ANO3: variants seen among roughly 807,000 people sequenced by gnomAD.
ANO3 encodes anoctamin 3.
A neutral mutation model predicts 144.8 loss-of-function variants in ANO3; 99 were observed. That is an observed-to-expected ratio of 0.68 (90% CI 0.58 to 0.81). ANO3 has a LOEUF of 0.81. ANO3 is among the 30% of genes least tolerant of loss of function. The pLI, the probability that ANO3 is intolerant of heterozygous loss-of-function variation, is 0.00. For synonymous variants in ANO3, 414 were observed against 392.6 expected (o/e 1.05, Z -0.64); for missense variants, 905 against 1,202.2 (o/e 0.75, Z 3.66).
At chr11:26,206,272 G>T (rs1161378562) in intron 1 of ANO3, among the ~76,000 whole-genome samples, 1 of 152,082 alleles carries the variant, frequency 6.6e-6, no homozygotes, top group African/African-American at 2.4e-5. Context: ...CTCCAAACAT[G>T]AGTTAATCCA....
At chr11:26,384,865 C>G (rs867827013) in intron 1 of ANO3, among the ~76,000 whole-genome samples, 1 of 152,214 alleles carries the variant, frequency 6.6e-6, no homozygotes, top group Non-Finnish European at 1.5e-5. Context: ...GTGAACGTCT[C>G]TCTTTGATTT....
Position 26,660,371 on chromosome 11 carries a change from A to C in ANO3, c.2873A>C (p.Tyr958Ser). Residue 958 changes from tyrosine to serine, a missense_variant, in exon 27 of 27, where the codon TAT becomes TCT. Coordinates refer to ENST00000256737, the MANE Select transcript of ANO3 (RefSeq NM_031418.4). ...AAGTACTTAGTTCAAGAAATGATGT[A>C]TGAGGCTGAACTGGAACATTTGCAA... is the stretch of plus-strand genomic sequence containing the variant. ...REKYLVQEMM[Y>S]EAELEHLQQQ... 6.2e-7 allele frequency: 1 copy of C among 1,613,424 alleles called. No homozygotes were observed. The highest frequency in any genetic ancestry group is 8.5e-7 in the Non-Finnish European group (1 of 1,179,618).
intron 14 of ANO3, among the ~76,000 whole-genome samples, chr11:26,567,845 T>G (rs1055240689): frequency 6.6e-6 from 1 of 151,992 alleles, no homozygotes; most frequent in Non-Finnish European, 1.5e-5. Flanking sequence ...TAGAGCTGTA[T>G]GCAACGACAT....
At chr11:26,564,722 CACACACACACAT>C (rs1850464754) in intron 14 of ANO3, among the ~76,000 whole-genome samples, 5 of 66,998 alleles carry the variant, frequency 7.5e-5, no homozygotes, top group African/African-American at 1.1e-4. Flanking sequence ...CACACACACA[CACACACACACAT>C]ATATATATAT....
intron 4 of ANO3, among the ~76,000 whole-genome samples, chr11:26,495,383 A>G (rs1403546831): frequency 6.6e-6 from 1 of 151,470 alleles, no homozygotes; most frequent in East Asian, 1.9e-4. Flanking sequence ...TGCTGGTATT[A>G]CAGGCATGAG....
intron 1 of ANO3, among the ~76,000 whole-genome samples, chr11:26,269,402 C>A (rs915109550): frequency 6.6e-6 from 1 of 152,200 alleles, no homozygotes; most frequent in Non-Finnish European, 1.5e-5. Context: ...GCTTCTCCCC[C>A]TCTTACTTTT....
chr11:26,532,273 G>GA lies in ANO3; in HGVS notation c.869+939dup, dbSNP rs553902147. On this transcript the variant is annotated intron_variant, in intron 8 of 26. Coordinates refer to ENST00000256737, the MANE Select transcript of ANO3 (RefSeq NM_031418.4). ...TAATTCCAGTGATATTGTAGTGGCA[G>GA]AAGGAATAAAATTCCAAATGACTGT... is the stretch of plus-strand genomic sequence containing the variant. Among the ~76,000 whole-genome samples the GA allele has an allele frequency of 3.2e-4, 49 of 152,290 alleles. No homozygotes were observed. In the South Asian group the frequency reaches 9.5e-3, roughly 30 times the overall value.
intron 17 of ANO3, among the ~76,000 whole-genome samples, chr11:26,622,647 A>C (rs939486295): frequency 2.0e-5 from 3 of 152,158 alleles, no homozygotes; most frequent in African/African-American, 7.2e-5. Context: ...TTTATGTGAC[A>C]AGGCACGATG....
chr11:26,257,237 C>G (rs1307600244), intron 1 of ANO3, among the ~76,000 whole-genome samples: 1 of 151,976 alleles, frequency 6.6e-6, no homozygotes, highest in Non-Finnish European at 1.5e-5. Context: ...TCTATTTTTA[C>G]TGGACTTACC....
At chr11:26,240,763 G>A (rs190578375) in intron 1 of ANO3, among the ~76,000 whole-genome samples, 104 of 152,100 alleles carry the variant, frequency 6.8e-4, no homozygotes, top group African/African-American at 2.4e-3. Flanking sequence ...CCAGGAATTC[G>A]CCCACACTTA....
At chr11:26,263,282 C>T (rs1378049492) in intron 1 of ANO3, among the ~76,000 whole-genome samples, 1 of 152,202 alleles carries the variant, frequency 6.6e-6, no homozygotes, top group Non-Finnish European at 1.5e-5. Flanking sequence ...CTTCAGGACT[C>T]TGCAGGAACT....
At chr11:26,574,363 T>A (rs187756847) in intron 14 of ANO3, among the ~76,000 whole-genome samples, 86 of 152,244 alleles carry the variant, frequency 5.6e-4, no homozygotes, top group Non-Finnish European at 7.9e-4. Context: ...TTGTTTTGAA[T>A]CCAAAAGAGT....
intron 24 of ANO3, among the ~76,000 whole-genome samples, chr11:26,651,119 G>T (rs572220183): frequency 6.6e-6 from 1 of 152,006 alleles, no homozygotes; most frequent in Non-Finnish European, 1.5e-5. Flanking sequence ...ATGATCTATA[G>T]TAAAAAATAT....
chr11:26,236,702 C>T (rs1852534389), intron 1 of ANO3, among the ~76,000 whole-genome samples: 1 of 151,450 alleles, frequency 6.6e-6, no homozygotes, highest in Non-Finnish European at 1.5e-5. Context: ...CCTGTAGTCC[C>T]AGCTACTCGG....
At chr11:26,274,196 A>G (rs1853509289) in intron 1 of ANO3, among the ~76,000 whole-genome samples, 1 of 152,146 alleles carries the variant, frequency 6.6e-6, no homozygotes, top group Non-Finnish European at 1.5e-5. Flanking sequence ...AATATTTTTT[A>G]ACAATATACA....
intron 17 of ANO3, among the ~76,000 whole-genome samples, chr11:26,611,918 G>T (rs1852110205): frequency 6.6e-6 from 1 of 151,388 alleles, no homozygotes; most frequent in Non-Finnish European, 1.5e-5. Flanking sequence ...ATATAAGTAT[G>T]GCTATTCCTG....
intron 14 of ANO3, chr11:26,565,497 G>A (rs1421763537): frequency 1.1e-5 from 18 of 1,613,382 alleles, no homozygotes; most frequent in Non-Finnish European, 1.4e-5. Context: ...TGCATTCCAA[G>A]GCACTTTAGA....
intron 1 of ANO3, among the ~76,000 whole-genome samples, chr11:26,259,333 A>G (rs1853129920): frequency 6.6e-6 from 1 of 152,144 alleles, no homozygotes; most frequent in Admixed American, 6.5e-5. Context: ...AGTATATACA[A>G]ACAGAAAGGG....
intron 6 of ANO3, among the ~76,000 whole-genome samples, chr11:26,525,058 T>C (rs1849127360): frequency 6.6e-6 from 1 of 152,122 alleles, no homozygotes; most frequent in Non-Finnish European, 1.5e-5. Flanking sequence ...TAAAAACTAA[T>C]TGAGCTCCCT....
Sources: gnomAD v4.1 joint callset for allele counts (sites outside exome capture counted in the v4.1 genomes callset) on GRCh38, gnomAD v4.1.1 for gene constraint, MANE v1.5 for transcripts, NCBI Gene and HGNC (gene_info 2026-07-23, HGNC 2026-07-21) for gene names.